TYW1B: variants seen among roughly 807,000 people sequenced by gnomAD.
TYW1B encodes the protein tRNA-yW synthesizing protein 1 homolog B.
TYW1B carries 73 observed loss-of-function variants against 86.9 expected under a neutral mutation model. That is an observed-to-expected ratio of 0.84 (90% CI 0.70 to 1.02). TYW1B has a LOEUF of 1.02. Ranked by LOEUF, TYW1B falls within the 50% of genes least tolerant of loss-of-function variation. TYW1B has a pLI of 0.00. For missense variants in TYW1B, 637 were observed against 827.4 expected, an observed-to-expected ratio of 0.77 and a Z score of 2.82; for synonymous variants, 248 against 292.8, an observed-to-expected ratio of 0.85 and a Z score of 1.56.
intron 2 of TYW1B, among the ~76,000 whole-genome samples, chr7:72,817,362 C>T (rs1237799342): frequency 1.3e-5 from 2 of 151,156 alleles, no homozygotes; most frequent in East Asian, 1.9e-4. Flanking sequence ...GAGCCGAGAT[C>T]GTACCACTGC....
chr7:72,716,883 G>T (rs1369360399), intron 9 of TYW1B, among the ~76,000 whole-genome samples: 1 of 150,840 alleles, frequency 6.6e-6, no homozygotes, highest in Non-Finnish European at 1.5e-5. Context: ...AAAGTGCTGG[G>T]ATTACAGGCG....
intron 13 of TYW1B, among the ~76,000 whole-genome samples, chr7:72,579,309 T>G (rs1159012066): frequency 6.6e-6 from 1 of 152,202 alleles, no homozygotes. Flanking sequence ...AAATTTCTGT[T>G]GCACAGGTAG....
intron 12 of TYW1B, among the ~76,000 whole-genome samples, chr7:72,624,809 A>G (rs1812303282): frequency 6.6e-6 from 1 of 152,124 alleles, no homozygotes; most frequent in Non-Finnish European, 1.5e-5. Flanking sequence ...TGTAATCCCA[A>G]CACTTTGGGA....
chr7:72,630,187 G>A (rs1479734805), intron 11 of TYW1B, among the ~76,000 whole-genome samples: 2 of 152,156 alleles, frequency 1.3e-5, no homozygotes, highest in Non-Finnish European at 2.9e-5. Context: ...GCTGAGGCAG[G>A]AGACTCGTTT....
chr7:72,742,179 G>C (rs1554462559), intron 8 of TYW1B, among the ~76,000 whole-genome samples: 4 of 152,146 alleles, frequency 2.6e-5, no homozygotes, highest in East Asian at 1.9e-4. Flanking sequence ...ACCCAGGCTG[G>C]AGTGCAGTGG....
At position 72,581,029 on chromosome 7, in the gene TYW1B, T is replaced by C. The variant is rs536401136; in HGVS notation, c.1786-5310A>G. Among the ~76,000 whole-genome samples, 140 of 101,214 alleles carry C rather than the reference T, an allele frequency of 1.4e-3. 1 individual carries two copies. The highest frequency in any genetic ancestry group is 5.0e-3 in the African/African-American group (129 of 25,832). The allele number at this position is 101,214 out of a possible 152,430, so 66.4% of individuals were successfully genotyped here. ...TAGTTCCCCCGACAGGAAGCATGGA[T>C]TGAGGAGGTACCAAACCCACTCCCC... On this transcript the variant is annotated intron_variant, in intron 13 of 13. Coordinates refer to ENST00000620995, the MANE Select transcript of TYW1B (RefSeq NM_001145440.3).
At chr7:72,730,752 G>A (rs2129571055) in intron 8 of TYW1B, among the ~76,000 whole-genome samples, 1 of 151,760 alleles carries the variant, frequency 6.6e-6, no homozygotes, top group Admixed American at 6.6e-5. Context: ...GGAATGATGG[G>A]ACACCATTAC....
rs532702819 is a variant in TYW1B at position 72,746,498 on chromosome 7, T to C, written c.965-1897A>G. Among the ~76,000 whole-genome samples, 4 of 152,334 alleles carry C rather than the reference T, an allele frequency of 2.6e-5. No individual in the cohort carries two copies. The South Asian group carries it at 8.3e-4, about 32-fold the overall frequency. On this transcript the variant is annotated intron_variant, in intron 7 of 13. Transcript: ENST00000620995. ...CTTCAATCACTATTGATTAAGAAGT[T>C]AATACGCTTTGTTCTGAACTGCCCT...
intron 8 of TYW1B, among the ~76,000 whole-genome samples, chr7:72,737,365 C>T (rs1164689378): frequency 1.3e-5 from 2 of 152,174 alleles, no homozygotes; most frequent in Non-Finnish European, 2.9e-5. Context: ...CTAAAAATCT[C>T]ATTAAGGAAT....
intron 11 of TYW1B, among the ~76,000 whole-genome samples, chr7:72,657,131 A>G (rs1486271162): frequency 3.3e-5 from 5 of 152,242 alleles, no homozygotes; most frequent in African/African-American, 9.6e-5. Flanking sequence ...ACACAGATCA[A>G]CAATACAAAG....
At chr7:72,579,496 A>C (rs1332406508) in intron 13 of TYW1B, among the ~76,000 whole-genome samples, 2 of 152,190 alleles carry the variant, frequency 1.3e-5, no homozygotes, top group Non-Finnish European at 2.9e-5. Flanking sequence ...ACAGTTCTGG[A>C]GGCTGGAATT....
At chr7:72,704,460 C>T in intron 10 of TYW1B, among the ~76,000 whole-genome samples, 1 of 145,250 alleles carries the variant, frequency 6.9e-6, no homozygotes, top group Non-Finnish European at 1.5e-5. Flanking sequence ...AAAAAAAAGT[C>T]CATCTTGGCC....
chr7:72,614,913 G>C (rs1812032986), intron 13 of TYW1B, among the ~76,000 whole-genome samples: 1 of 152,202 alleles, frequency 6.6e-6, no homozygotes, highest in South Asian at 2.1e-4. Flanking sequence ...AAGCTAGACA[G>C]GGGCCAAGAT....
In TYW1B at chr7:72,802,445, A is replaced by T. The variant is rs1374506024; in HGVS notation, c.801T>A (p.Asp267Glu). The T allele has an allele frequency of 6.2e-7, 1 of 1,613,736 alleles. No homozygotes were observed. The highest frequency in any genetic ancestry group is 1.3e-5 in the African/African-American group (1 of 74,894). The change falls in exon 6 of 14, where the codon GAT becomes GAA. Residue 267 changes from aspartate to glutamate, a missense_variant. Physicochemically the swap from Asp to Glu is conservative, Grantham distance 45. Coordinates refer to ENST00000620995, the MANE Select transcript of TYW1B (RefSeq NM_001145440.3). ...EDHQSLNSIV[D>E]VEDLGKIMDH... ...CCATAATTTTGCCCAAATCTTCAAC[A>T]TCAACAATGGAATTTAGGCTCTGAT...
chr7:72,599,457 T>G (rs1554433256), intron 13 of TYW1B, among the ~76,000 whole-genome samples: 3 of 152,138 alleles, frequency 2.0e-5, no homozygotes, highest in Non-Finnish European at 4.4e-5. Flanking sequence ...AAGCTAGATA[T>G]TCCCCCATTA....
At chr7:72,771,152 G>A (rs1277319434) in intron 7 of TYW1B, among the ~76,000 whole-genome samples, 2 of 151,798 alleles carry the variant, frequency 1.3e-5, no homozygotes, top group African/African-American at 2.4e-5. Context: ...TAGTAGAAAC[G>A]GGGTTTCACC....
chr7:72,786,298 T>C (rs1788128354), intron 6 of TYW1B, among the ~76,000 whole-genome samples: 1 of 152,114 alleles, frequency 6.6e-6, no homozygotes, highest in Admixed American at 6.6e-5. Flanking sequence ...CATACTAAAA[T>C]TGGGAAAAAA....
At chr7:72,581,787 C>T (rs1554429659) in intron 13 of TYW1B, among the ~76,000 whole-genome samples, 1 of 151,690 alleles carries the variant, frequency 6.6e-6, no homozygotes, top group African/African-American at 2.4e-5. Context: ...GGGGCAGTGG[C>T]CAGGCGCAGA....
chr7:72,817,357 G>A (rs1472346969), intron 2 of TYW1B, among the ~76,000 whole-genome samples: 12 of 151,870 alleles, frequency 7.9e-5, no homozygotes, highest in South Asian at 4.2e-4. Context: ...GCAGTGAGCC[G>A]AGATCGTACC....
Sources: gnomAD v4.1 joint callset for allele counts (sites outside exome capture counted in the v4.1 genomes callset) on GRCh38, gnomAD v4.1.1 for gene constraint, MANE v1.5 for transcripts, NCBI Gene and HGNC (gene_info 2026-07-23, HGNC 2026-07-21) for gene names.